The following FBN2 variants were observed in gnomAD, a reference collection of about 807,000 sequenced individuals.
The protein encoded by FBN2 is fibrillin-2.
FBN2 carries 105 observed loss-of-function variants against 355.6 expected under a neutral mutation model. The observed-to-expected ratio is 0.30, with a 90% CI of 0.25 to 0.35. The LOEUF is 0.35. Among genes scored for constraint, FBN2 ranks in the 10% least tolerant of loss-of-function variants. The pLI, the probability that FBN2 is intolerant of heterozygous loss-of-function variation, is 1.00. For synonymous variants in FBN2, 1,350 were observed against 1,301.2 expected, an observed-to-expected ratio of 1.04 and a Z score of -0.81; for missense variants, 3,280 against 3,758.7, an observed-to-expected ratio of 0.87 and a Z score of 3.33.
At chr5:128,293,965 C>T (rs1749416233) in intron 48 of FBN2, among the ~76,000 whole-genome samples, 1 of 151,856 alleles carries the variant, frequency 6.6e-6, no homozygotes, top group African/African-American at 2.4e-5. Flanking sequence ...TTAGGTATAT[C>T]TCCCAATGCT....
intron 5 of FBN2, among the ~76,000 whole-genome samples, chr5:128,514,968 C>T (rs1384455785): frequency 6.6e-6 from 1 of 152,138 alleles, no homozygotes; most frequent in African/African-American, 2.4e-5. Flanking sequence ...TCACCATATT[C>T]CCTATATTCC....
intron 8 of FBN2, among the ~76,000 whole-genome samples, chr5:128,405,106 G>T (rs1265697745): frequency 6.6e-6 from 1 of 152,164 alleles, no homozygotes; most frequent in Non-Finnish European, 1.5e-5. Flanking sequence ...AGGAGGCAGA[G>T]GTTGCAGCAA....
At position 128,259,278 on chromosome 5, in the gene FBN2, C is replaced by T; in HGVS notation, c.*177G>A. The T allele has an allele frequency of 1.3e-6, 1 of 759,700 alleles. No homozygotes were observed. The highest frequency in any genetic ancestry group is 2.2e-6 in the Non-Finnish European group (1 of 456,184). 47.1% of individuals were successfully genotyped at this position (759,700 alleles called of 1,614,324 possible). A position where few individuals can be genotyped will look rare whatever the true frequency, so the allele number is the denominator to read the frequency against. On this transcript the variant is annotated 3_prime_UTR_variant, in exon 65 of 65. Coordinates refer to ENST00000262464, the MANE Select transcript of FBN2 (RefSeq NM_001999.4). ...TTGCCTTTGTGCTCAAATCTTTGGC[C>T]ATACCAGAGTCTAAATTATCCCTCC...
At chr5:128,471,661 A>AACAAAG (rs1466607810) in intron 5 of FBN2, among the ~76,000 whole-genome samples, 4 of 152,148 alleles carry the variant, frequency 2.6e-5, no homozygotes, top group African/African-American at 7.2e-5. Context: ...CAAAAACAAA[A>AACAAAG]AAAACTCTTT....
chr5:128,344,287 T>C (rs1751107325), intron 25 of FBN2, 98 bp downstream of exon 25: 2 of 1,246,412 alleles, frequency 1.6e-6, no homozygotes, highest in African/African-American at 3.0e-5. Context: ...AATTTTCATG[T>C]TCTCAATGAG....
At chr5:128,507,853 C>G (rs776848665) in intron 5 of FBN2, among the ~76,000 whole-genome samples, 6 of 152,024 alleles carry the variant, frequency 3.9e-5, no homozygotes, top group African/African-American at 1.2e-4. Flanking sequence ...TACCTACTCT[C>G]AATTATTGAG....
chr5:128,294,996 T>C (rs1360972055), intron 48 of FBN2, among the ~76,000 whole-genome samples: 2 of 150,778 alleles, frequency 1.3e-5, no homozygotes, highest in Admixed American at 1.3e-4. Flanking sequence ...TTAATCCATC[T>C]TGGATTGATT....
At chr5:128,435,992 A>C (rs866313468) in intron 7 of FBN2, among the ~76,000 whole-genome samples, 1 of 152,316 alleles carries the variant, frequency 6.6e-6, no homozygotes, top group South Asian at 2.1e-4. Flanking sequence ...TTTCCATGTA[A>C]ACAGTTTTGT....
At chr5:128,367,928 T>C (rs1185021794) in intron 16 of FBN2, among the ~76,000 whole-genome samples, 1 of 152,178 alleles carries the variant, frequency 6.6e-6, no homozygotes, top group Admixed American at 6.5e-5. Context: ...AATCATTATT[T>C]CCACGTTTGA....
chr5:128,328,664 C>A (rs1483947963), intron 34 of FBN2, 32 bp downstream of exon 34: 5 of 1,613,356 alleles, frequency 3.1e-6, no homozygotes, highest in Non-Finnish European at 4.2e-6. Flanking sequence ...GTTGATCCAA[C>A]TTGAAAATGA....
chr5:128,326,996 G>T (rs1368204876), intron 34 of FBN2, among the ~76,000 whole-genome samples: 1 of 152,156 alleles, frequency 6.6e-6, no homozygotes, highest in Non-Finnish European at 1.5e-5. Flanking sequence ...GTTGAAAGTG[G>T]CTACTGCTGA....
intron 6 of FBN2, among the ~76,000 whole-genome samples, chr5:128,460,326 AC>A (rs1457479882): frequency 6.6e-6 from 1 of 152,194 alleles, no homozygotes; most frequent in African/African-American, 2.4e-5. Flanking sequence ...TTAAAGAAGA[AC>A]TACAAAACAC....
intron 5 of FBN2, among the ~76,000 whole-genome samples, chr5:128,489,438 A>G (rs1266376726): frequency 1.4e-5 from 2 of 138,982 alleles, no homozygotes; most frequent in African/African-American, 6.7e-5. Flanking sequence ...TCTCTTTTAC[A>G]TGCTTTTAGG....
At chr5:128,433,145 T>TA (rs1443303260) in intron 7 of FBN2, among the ~76,000 whole-genome samples, 2 of 151,844 alleles carry the variant, frequency 1.3e-5, no homozygotes, top group East Asian at 3.9e-4. Flanking sequence ...TCAGATGCCT[T>TA]AAAAAAAAGA....
intron 48 of FBN2, among the ~76,000 whole-genome samples, chr5:128,296,706 C>T (rs971781391): frequency 4.6e-5 from 7 of 152,094 alleles, no homozygotes; most frequent in African/African-American, 9.7e-5. Context: ...TTTTTTATTG[C>T]ATCTATTTGA....
intron 8 of FBN2, among the ~76,000 whole-genome samples, chr5:128,399,024 A>T (rs1752724684): frequency 6.6e-6 from 1 of 152,226 alleles, no homozygotes; most frequent in African/African-American, 2.4e-5. Flanking sequence ...CTTTATCAGC[A>T]GCATGAAAAC....
chr5:128,397,583 A>G (rs948863867), intron 8 of FBN2, among the ~76,000 whole-genome samples: 1 of 152,218 alleles, frequency 6.6e-6, no homozygotes, highest in African/African-American at 2.4e-5. Context: ...ATAAAACAAC[A>G]TATGCTCTAT....
At chr5:128,369,551 T>C (rs545027525) in intron 15 of FBN2, among the ~76,000 whole-genome samples, 1 of 152,356 alleles carries the variant, frequency 6.6e-6, no homozygotes, top group East Asian at 1.9e-4. Context: ...GACTCTGTTT[T>C]CTTTAATAAG....
At chr5:128,462,702 A>C (rs1342897473) in intron 6 of FBN2, among the ~76,000 whole-genome samples, 2 of 152,198 alleles carry the variant, frequency 1.3e-5, no homozygotes, top group Non-Finnish European at 2.9e-5. Flanking sequence ...TTGGGAAAAA[A>C]ACTAGGCCTC....
Sources: gnomAD v4.1 joint callset for allele counts (sites outside exome capture counted in the v4.1 genomes callset) on GRCh38, gnomAD v4.1.1 for gene constraint, MANE v1.5 for transcripts, NCBI Gene and HGNC (gene_info 2026-07-23, HGNC 2026-07-21) for gene names.